The following PALS2 variants were observed in gnomAD, a reference collection of about 807,000 sequenced individuals.
PALS2 encodes protein PALS2.
Under a neutral mutation model 61.6 loss-of-function variants are expected in PALS2, and 27 were observed. That is an observed-to-expected ratio of 0.44 (90% CI 0.32 to 0.60). PALS2 has a LOEUF of 0.60. Among genes scored for constraint, PALS2 ranks in the 20% least tolerant of loss-of-function variants. The pLI is 0.05. For missense variants in PALS2, 554 were observed against 639.4 expected (o/e 0.87, Z 1.44); for synonymous variants, 236 against 218.6 (o/e 1.08, Z -0.70).
chr7:24,661,640 C>T (rs1475043889), intron 5 of PALS2, among the ~76,000 whole-genome samples: 1 of 152,108 alleles, frequency 6.6e-6, no homozygotes, highest in Non-Finnish European at 1.5e-5. Context: ...TTTTTCTCTG[C>T]CTGATCTCAA....
At chr7:24,645,298 A>G (rs576330752) in intron 3 of PALS2, among the ~76,000 whole-genome samples, 6 of 152,056 alleles carry the variant, frequency 3.9e-5, no homozygotes, top group East Asian at 1.9e-4. Context: ...TTTGTGTACT[A>G]TATAAAGAAG....
At chr7:24,686,863 A>G (rs1788232484) in intron 11 of PALS2, among the ~76,000 whole-genome samples, 1 of 152,256 alleles carries the variant, frequency 6.6e-6, no homozygotes, top group Admixed American at 6.5e-5. Flanking sequence ...CAAAATGACT[A>G]AAATTACTTT....
intron 1 of PALS2, among the ~76,000 whole-genome samples, chr7:24,602,790 C>G (rs1783766602): frequency 6.6e-6 from 1 of 152,136 alleles, no homozygotes; most frequent in Non-Finnish European, 1.5e-5. Flanking sequence ...ATTGTAATCC[C>G]ATAATTCCCA....
intron 1 of PALS2, among the ~76,000 whole-genome samples, chr7:24,621,463 T>C (rs1210300803): frequency 6.6e-6 from 1 of 152,102 alleles, no homozygotes; most frequent in African/African-American, 2.4e-5. Flanking sequence ...ACTATTGATT[T>C]TGTTTTTAAA....
In PALS2 at chr7:24,595,036, A is replaced by C. The variant is rs542296859; in HGVS notation, c.-3+21443A>C. On this transcript the variant is annotated intron_variant, in intron 1 of 11. Coordinates refer to ENST00000222644, the MANE Select transcript of PALS2 (RefSeq NM_001303037.2). ...TGTGAAGCACAATAAAATGAAGTGC[A>C]GTAAAATGAGGTATGCCTGTAGAAG... 4.6e-5 allele frequency among the ~76,000 whole-genome samples: 7 copies of C among 152,240 alleles called. No homozygotes were observed. In the South Asian group the frequency reaches 1.5e-3, roughly 32 times the overall value.
intron 5 of PALS2, among the ~76,000 whole-genome samples, chr7:24,661,344 T>A (rs79529216): frequency 6.5e-4 from 98 of 151,280 alleles, no homozygotes; most frequent in African/African-American, 1.5e-3. Flanking sequence ...AAAAAAAAAA[T>A]AAATTGTTCT....
In PALS2 at chr7:24,690,776, A is replaced by G. The variant is rs1472002067; in HGVS notation, c.*3162A>G. On this transcript the variant is annotated 3_prime_UTR_variant, in exon 12 of 12. Coordinates refer to ENST00000222644, the MANE Select transcript of PALS2 (RefSeq NM_001303037.2). Reference sequence around the variant, plus strand: ...ACTTTGTTTATTTTGGCTAACTCTAACTATACAATTGCTGAACATAGCTTT... The same window carrying G: ...ACTTTGTTTATTTTGGCTAACTCTAGCTATACAATTGCTGAACATAGCTTT... 1 of 152,182 alleles carries G rather than the reference A, an allele frequency of 6.6e-6. No homozygotes were observed. The highest frequency in any genetic ancestry group is 1.5e-5 in the Non-Finnish European group (1 of 68,014). The allele number at this position is 152,182 out of a possible 1,614,324, so 9.4% of individuals were successfully genotyped here. A position where few individuals can be genotyped will look rare whatever the true frequency, so the allele number is the denominator to read the frequency against.
Position 24,665,686 on chromosome 7 carries a change from A to T in PALS2, c.882A>T (p.Ser294=). 1 of 1,612,562 alleles carries T rather than the reference A, an allele frequency of 6.2e-7. No homozygotes were observed. The highest frequency in any genetic ancestry group is 8.5e-7 in the Non-Finnish European group (1 of 1,178,672). Reference sequence around the variant, plus strand: ...TTGTTAGAAGAGACTGGGACAATTCAGGTGATGAGCTCGACACAATAAGTA... The same window carrying T: ...TTGTTAGAAGAGACTGGGACAATTCTGGTGATGAGCTCGACACAATAAGTA... The part of the protein sequence containing the change: ...KAFVRRDWDN[S]GPFCGTISSK... The change falls in exon 7 of 12, where the codon TCA becomes TCT. Residue 294 remains serine, a splice_region_variant and synonymous_variant. Transcript: ENST00000222644.
intron 3 of PALS2, among the ~76,000 whole-genome samples, chr7:24,642,185 A>AT (rs1785592682): frequency 2.0e-5 from 3 of 152,184 alleles, no homozygotes; most frequent in South Asian, 4.1e-4. Context: ...ATGATAATGG[A>AT]TTTTTTTCTT....
At chr7:24,589,800 C>G (rs879635396) in intron 1 of PALS2, among the ~76,000 whole-genome samples, 2 of 152,136 alleles carry the variant, frequency 1.3e-5, no homozygotes, top group Non-Finnish European at 2.9e-5. Context: ...AGGTTTCTAT[C>G]CCTACTCTTA....
At chr7:24,668,443 AT>A (rs766084466) in intron 8 of PALS2, 55 bp from the exon 9 acceptor site, 60 of 1,484,922 alleles carry the variant, frequency 4.0e-5, no homozygotes, top group Non-Finnish European at 3.5e-5. Context: ...AATTGCAGAG[AT>A]TTCTTTCATG....
chr7:24,687,516 A>G lies in PALS2; in HGVS notation c.1525A>G (p.Ile509Val), dbSNP rs753004229. 5.6e-6 allele frequency: 9 copies of G among 1,613,292 alleles called. No individual in the cohort carries two copies. The African/African-American group carries it at 6.7e-5, about 12-fold the overall frequency. ...AYNHYFDLII[I>V]NDNLDKAFEK... ...CAACCACTATTTTGATTTGATCATC[A>G]TAAATGATAATCTAGACAAAGCCTT... The change falls in exon 12 of 12, where the codon ATA becomes GTA. Residue 509 changes from isoleucine (I) to valine (V), a missense_variant. By Grantham distance (29) the Ile-to-Val change is conservative (BLOSUM62 3). Coordinates refer to ENST00000222644, the MANE Select transcript of PALS2 (RefSeq NM_001303037.2). The surrounding 1 kb of genome is among the most constrained non-coding windows in gnomAD (Gnocchi z 4.5).
At chr7:24,656,721 CAG>C (rs1269344251) in intron 5 of PALS2, among the ~76,000 whole-genome samples, 2 of 151,940 alleles carry the variant, frequency 1.3e-5, no homozygotes, top group African/African-American at 2.4e-5. Flanking sequence ...TTTGTAGAGA[CAG>C]GGTTTCGCTA....
rs916945648 is a variant in PALS2, at chr7:24,595,431, T to A, written c.-3+21838T>A. ...AAAATATATATAAATATATAAAAAA[T>A]ATATAAAATACATAATATATAATAT... On this transcript the variant is annotated intron_variant, in intron 1 of 11. Coordinates refer to ENST00000222644, the MANE Select transcript of PALS2 (RefSeq NM_001303037.2). 8.5e-5 allele frequency among the ~76,000 whole-genome samples: 12 copies of A among 140,818 alleles called. 1 individual carries two copies. The highest frequency in any genetic ancestry group is 7.5e-4 in the Admixed American group (10 of 13,264). 92.4% of individuals were successfully genotyped at this position (140,818 alleles called of 152,430 possible).
rs528087088 is a variant in PALS2 at position 24,596,208 on chromosome 7, A to C, written c.-3+22615A>C. ...TGAGAACGAGAGTGAAGGTAAGGGAACTGGTCAAGTGACTACTGCAGCAGA... is the reference window on the plus strand; with the variant it reads ...TGAGAACGAGAGTGAAGGTAAGGGACCTGGTCAAGTGACTACTGCAGCAGA... On this transcript the variant is annotated intron_variant, in intron 1 of 11. Coordinates refer to ENST00000222644, the MANE Select transcript of PALS2 (RefSeq NM_001303037.2). This position sits in a 1 kb window ranked among gnomAD's most constrained non-coding sequence, Gnocchi z 4.5. Among the ~76,000 whole-genome samples, 35 of 152,208 alleles carry C rather than the reference A, an allele frequency of 2.3e-4. 2 individuals carry two copies. In the South Asian group the frequency reaches 6.6e-3, roughly 29 times the overall value.
intron 5 of PALS2, among the ~76,000 whole-genome samples, chr7:24,654,644 A>G (rs1481223189): frequency 6.6e-6 from 1 of 152,204 alleles, no homozygotes; most frequent in African/African-American, 2.4e-5. Context: ...CAGGAAGACA[A>G]TATTGTGAAG....
rs1788237700 is a variant in PALS2 at position 24,687,008 on chromosome 7, C to T, written c.1447-430C>T. 6.6e-6 allele frequency among the ~76,000 whole-genome samples: 1 copy of T among 152,142 alleles called. No individual in the cohort carries two copies. Among genetic ancestry groups the T allele is most frequent in the Non-Finnish European group, 1.5e-5 (1 of 68,024 alleles). On this transcript the variant is annotated intron_variant, in intron 11 of 11. Transcript: ENST00000222644. This position sits in a 1 kb window ranked among gnomAD's most constrained non-coding sequence, Gnocchi z 4.5. ...ATTCTCTGATCTTATAGAGAGGTAG[C>T]AAGTTTGGCTTTGAGCTTAACAGCC...
At chr7:24,639,122 A>G (rs1373735229) in intron 2 of PALS2, among the ~76,000 whole-genome samples, 3 of 152,238 alleles carry the variant, frequency 2.0e-5, no homozygotes, top group Admixed American at 1.3e-4. Context: ...GCTAATCAGC[A>G]ACAACTAAAT....
At position 24,679,207 on chromosome 7, in the gene PALS2, A is replaced by G; in HGVS notation, c.1191A>G (p.Ala397=). The G allele has an allele frequency of 6.2e-7, 1 of 1,614,044 alleles. No homozygotes were observed. The change falls in exon 10 of 12, where the codon GCA becomes GCG. Residue 397 remains alanine, a synonymous_variant. Coordinates refer to ENST00000222644, the MANE Select transcript of PALS2 (RefSeq NM_001303037.2). ...YKFVSRSEME[A]DIKAGKYLEH... Reference sequence around the variant, plus strand: ...TTGTGTCACGATCTGAGATGGAAGCAGATATTAAAGCTGGAAAGTATTTGG... The same window carrying G: ...TTGTGTCACGATCTGAGATGGAAGCGGATATTAAAGCTGGAAAGTATTTGG...
Sources: gnomAD v4.1 joint callset for allele counts (sites outside exome capture counted in the v4.1 genomes callset) on GRCh38, gnomAD v4.1.1 for gene constraint, Gnocchi (gnomAD v3.1) non-coding constraint, MANE v1.5 for transcripts, NCBI Gene and HGNC (gene_info 2026-07-23, HGNC 2026-07-21) for gene names.